The following SBF2 variants were observed in gnomAD, a reference collection of about 807,000 sequenced individuals.
SBF2 encodes SET binding factor 2.
A neutral mutation model predicts 225.2 loss-of-function variants in SBF2; 112 were observed. That is an observed-to-expected ratio of 0.50 (90% CI 0.43 to 0.58). SBF2 has a LOEUF of 0.58. Among genes scored for constraint, SBF2 ranks in the 20% least tolerant of loss-of-function variants. The pLI is 0.00. For synonymous variants in SBF2, 763 were observed against 773.3 expected (o/e 0.99, Z 0.22); for missense variants, 1,996 against 2,206.2 (o/e 0.90, Z 1.91).
intron 16 of SBF2, among the ~76,000 whole-genome samples, chr11:9,951,368 T>C (rs182188533): frequency 2.0e-4 from 30 of 152,234 alleles, no homozygotes; most frequent in African/African-American, 5.3e-4. Flanking sequence ...AACAGTTATA[T>C]TATAGAAATG....
At chr11:10,275,289 G>C (rs17368443) in intron 1 of SBF2, among the ~76,000 whole-genome samples, 8,212 of 152,220 alleles carry the variant, frequency 0.054, 304 homozygotes, top group Middle Eastern at 0.14. Flanking sequence ...TTCCCAAGGT[G>C]TTACCCCCAT....
chr11:10,266,683 T>C (rs773686533), intron 1 of SBF2, among the ~76,000 whole-genome samples: 58 of 152,316 alleles, frequency 3.8e-4, no homozygotes, highest in Non-Finnish European at 7.5e-4. Flanking sequence ...ATGATGATGA[T>C]GACAGTGATG....
At chr11:10,285,053 T>A (rs1007780433) in intron 1 of SBF2, among the ~76,000 whole-genome samples, 3 of 152,174 alleles carry the variant, frequency 2.0e-5, no homozygotes, top group African/African-American at 7.2e-5. Context: ...CTCACGGCTG[T>A]AATCCCAGTG....
chr11:9,931,759 C>G lies in SBF2; in HGVS notation c.1860+30198G>C, dbSNP rs575092614. ...TCGCAGCTCCTCCCCAGCAATGGAA[C>G]AAAGCTGGATGGAGAATGACTTTGA... On this transcript the variant is annotated intron_variant, in intron 16 of 39. Transcript: ENST00000256190. Among the ~76,000 whole-genome samples the G allele has an allele frequency of 5.3e-5, 8 of 152,308 alleles. No individual in the cohort carries two copies. The South Asian group carries it at 1.7e-3, about 32-fold the overall frequency.
rs1564845467 is a variant in SBF2, at chr11:9,780,376, C to T, written c.*42G>A. On this transcript the variant is annotated 3_prime_UTR_variant, in exon 40 of 40. Coordinates refer to ENST00000256190, the MANE Select transcript of SBF2 (RefSeq NM_030962.4). ...GCTTCTTTTTCTATCTATCTGGCAG[C>T]ATGAGTTCTTCTGTTTCTTCTGCGT... The T allele has an allele frequency of 6.6e-7, 1 of 1,512,274 alleles. No individual in the cohort carries two copies. The highest frequency in any genetic ancestry group is 9.2e-7 in the Non-Finnish European group (1 of 1,088,906). 93.7% of individuals were successfully genotyped at this position (1,512,274 alleles called of 1,614,324 possible).
intron 2 of SBF2, among the ~76,000 whole-genome samples, chr11:10,175,067 G>T (rs1407179065): frequency 6.6e-6 from 1 of 151,900 alleles, no homozygotes; most frequent in Non-Finnish European, 1.5e-5. Flanking sequence ...ATGCCAAAAT[G>T]TAAAGACCAT....
chr11:10,173,416 T>A (rs966297781), intron 2 of SBF2, among the ~76,000 whole-genome samples: 44 of 152,136 alleles, frequency 2.9e-4, no homozygotes, highest in African/African-American at 1.1e-3. Flanking sequence ...ACCTGGAAAA[T>A]CAGTTCACTC....
At chr11:10,046,715 AAAGT>A (rs1470458787) in intron 2 of SBF2, among the ~76,000 whole-genome samples, 1 of 151,990 alleles carries the variant, frequency 6.6e-6, no homozygotes, top group Non-Finnish European at 1.5e-5. Context: ...TCAGGGGAAT[AAAGT>A]AAGGATGCCC....
intron 1 of SBF2, among the ~76,000 whole-genome samples, chr11:10,273,084 AAT>A (rs199905661): frequency 0.018 from 2,732 of 151,522 alleles, 63 homozygotes; most frequent in African/African-American, 0.054. Context: ...AAAAAAAATA[AAT>A]AAATAAATAA....
intron 17 of SBF2, among the ~76,000 whole-genome samples, chr11:9,869,061 T>C (rs1018549258): frequency 4.6e-5 from 7 of 152,246 alleles, no homozygotes; most frequent in African/African-American, 1.2e-4. Flanking sequence ...TTATCAACTG[T>C]TGGTGAACCA....
chr11:9,842,573 T>C, intron 25 of SBF2, 52 bp downstream of exon 25: 3 of 1,585,162 alleles, frequency 1.9e-6, no homozygotes, highest in South Asian at 1.1e-5. Flanking sequence ...GAGTCTCTTA[T>C]TCATATAAGA....
chr11:10,180,489 T>C (rs771814892), intron 2 of SBF2, among the ~76,000 whole-genome samples: 6 of 152,162 alleles, frequency 3.9e-5, no homozygotes, highest in Admixed American at 6.5e-5. Context: ...CTCTGGTTGC[T>C]TTCAAGATCC....
chr11:10,004,592 A>AAAAC (rs1554981775), intron 6 of SBF2, among the ~76,000 whole-genome samples: 11 of 149,132 alleles, frequency 7.4e-5, no homozygotes, highest in Admixed American at 7.3e-4. Flanking sequence ...AAAAAAAAAA[A>AAAAC]AAACAAACTA....
At chr11:10,285,606 T>C (rs1020601217) in intron 1 of SBF2, among the ~76,000 whole-genome samples, 13 of 152,290 alleles carry the variant, frequency 8.5e-5, no homozygotes, top group African/African-American at 2.9e-4. Flanking sequence ...CTTCACTTCA[T>C]CCTCTTCATT....
intron 36 of SBF2, 146 bp from the exon 37 acceptor site, chr11:9,785,464 T>A (rs1334043354): frequency 1.4e-6 from 1 of 701,762 alleles, no homozygotes; most frequent in Non-Finnish European, 2.5e-6. Flanking sequence ...TCAGAGTTAG[T>A]TATCGTGGTA....
intron 1 of SBF2, among the ~76,000 whole-genome samples, chr11:10,252,753 CG>C (rs1171898878): frequency 1.0e-4 from 4 of 39,792 alleles, no homozygotes; most frequent in Non-Finnish European, 2.8e-4. Context: ...GAGCTTGCAG[CG>C]AGCTTGCAGC....
intron 2 of SBF2, among the ~76,000 whole-genome samples, chr11:10,164,651 T>G (rs1591105912): frequency 6.6e-6 from 1 of 152,072 alleles, no homozygotes; most frequent in East Asian, 1.9e-4. Context: ...TTCCACTGAG[T>G]ATCACTGAGA....
Position 9,919,252 on chromosome 11 carries a change from T to TTTCTTC in SBF2, c.1861-23247_1861-23242dup, listed in dbSNP as rs138931178. On this transcript the variant is annotated intron_variant, in intron 16 of 39. Transcript: ENST00000256190. ...CATCAAGATTTGAAATAGCCTCTCC[T>TTTCTTC]TTCTTCTTCTTCTTCTTCTTTTTTT... Among the ~76,000 whole-genome samples the TTTCTTC allele has an allele frequency of 0.01, 1,499 of 143,206 alleles. 149 individuals carry two copies. In the East Asian group the frequency reaches 0.24, roughly 23 times the overall value. The allele number at this position is 143,206 out of a possible 152,430, so 93.9% of individuals were successfully genotyped here.
Position 10,002,757 on chromosome 11 carries a change from A to G in SBF2, c.620-68T>C, listed in dbSNP as rs1948027400. On this transcript the variant is annotated intron_variant, in intron 6 of 39. Coordinates refer to ENST00000256190, the MANE Select transcript of SBF2 (RefSeq NM_030962.4). The stretch of plus-strand genomic sequence containing the variant: ...ATATGTGTTGTCAACAATCATAGAC[A>G]GTATACACGGAAAGAAAAAGCCAGT... 4.8e-6 allele frequency: 7 copies of G among 1,471,044 alleles called. No individual in the cohort carries two copies. The Admixed American group carries it at 1.0e-4, about 22-fold the overall frequency. The allele number at this position is 1,471,044 out of a possible 1,614,324, so 91.1% of individuals were successfully genotyped here. A position where few individuals can be genotyped will look rare whatever the true frequency, so the allele number is the denominator to read the frequency against.
Sources: allele counts gnomAD v4.1 joint callset (sites outside exome capture counted in the v4.1 genomes callset), GRCh38; gene constraint gnomAD v4.1.1; transcripts MANE v1.5; gene names NCBI Gene and HGNC (gene_info 2026-07-23, HGNC 2026-07-21).